Variants in ADGRG7 observed in about 807,000 individuals in gnomAD.
ADGRG7 encodes the protein adhesion G protein-coupled receptor G7.
ADGRG7 carries 82 observed loss-of-function variants against 88.6 expected under a neutral mutation model. The ratio of observed to expected loss-of-function variants is 0.93; its 90% CI spans 0.77 to 1.11. The LOEUF (loss-of-function observed/expected upper bound fraction) is 1.11. Ranked by LOEUF, ADGRG7 falls within the 50% of genes most tolerant of loss-of-function variation. The pLI is 0.00. For missense variants in ADGRG7, 945 were observed against 953.4 expected (o/e 0.99, Z 0.12); for synonymous variants, 381 against 345.2 (o/e 1.10, Z -1.15).
chr3:100,690,968 C>A (rs1002476239), intron 15 of ADGRG7, among the ~76,000 whole-genome samples: 3 of 152,212 alleles, frequency 2.0e-5, no homozygotes, highest in Admixed American at 2.0e-4. Flanking sequence ...AGAGGTGGAG[C>A]CTACAGAGGC....
chr3:100,645,092 T>C (rs993699951), intron 8 of ADGRG7, among the ~76,000 whole-genome samples: 4 of 152,232 alleles, frequency 2.6e-5, no homozygotes, highest in African/African-American at 9.6e-5. Context: ...ATGTTTTCCT[T>C]TTATCACTTG....
At chr3:100,687,782 T>C (rs2149043008) in intron 15 of ADGRG7, among the ~76,000 whole-genome samples, 1 of 152,342 alleles carries the variant, frequency 6.6e-6, no homozygotes, top group Non-Finnish European at 1.5e-5. Flanking sequence ...GGTTTGCCAG[T>C]ATTTTATTGA....
At chr3:100,691,738 G>A (rs2094994228) in intron 15 of ADGRG7, among the ~76,000 whole-genome samples, 1 of 135,550 alleles carries the variant, frequency 7.4e-6, no homozygotes, top group South Asian at 2.6e-4. Context: ...TTTCATTCTA[G>A]CCTTATTAAC....
At chr3:100,656,201 A>G (rs1020967739) in intron 13 of ADGRG7, among the ~76,000 whole-genome samples, 1 of 152,224 alleles carries the variant, frequency 6.6e-6, no homozygotes, top group Non-Finnish European at 1.5e-5. Flanking sequence ...AAAGCAAGTA[A>G]TCACCTTCGA....
In ADGRG7 at chr3:100,695,196, G is replaced by T; in HGVS notation, c.*195G>T. 1 of 580,084 alleles carries T rather than the reference G, an allele frequency of 1.7e-6. No homozygotes were observed. Among genetic ancestry groups the T allele is most frequent in the Non-Finnish European group, 3.0e-6 (1 of 336,052 alleles). The allele number at this position is 580,084 out of a possible 1,614,324, so 35.9% of individuals were successfully genotyped here. A position where few individuals can be genotyped will look rare whatever the true frequency, so the allele number is the denominator to read the frequency against. On this transcript the variant is annotated 3_prime_UTR_variant, in exon 16 of 16. Transcript: ENST00000273352. ...AGTTTTTCTATTTTTCAATAGATTTGTACTTGAATAAGGTGAAGAATTTCA... is the reference window on the plus strand; with the variant it reads ...AGTTTTTCTATTTTTCAATAGATTTTTACTTGAATAAGGTGAAGAATTTCA...
intron 6 of ADGRG7, among the ~76,000 whole-genome samples, chr3:100,639,010 CTGTGTGTGTGTGTGTG>C (rs56088926): frequency 0.025 from 3,613 of 147,096 alleles, 83 homozygotes; most frequent in African/African-American, 0.05. Flanking sequence ...CCCTCTGTTT[CTGTGTGTGTGTGTGTG>C]TGTGTGTGTG....
chr3:100,671,925 T>C (rs1195512099), intron 15 of ADGRG7, among the ~76,000 whole-genome samples: 1 of 152,250 alleles, frequency 6.6e-6, no homozygotes, highest in Non-Finnish European at 1.5e-5. Context: ...ATATCTGTTT[T>C]GGTACCAGTA....
At position 100,643,523 on chromosome 3, in the gene ADGRG7, T is replaced by G; in HGVS notation, c.839-3T>G. 1 of 1,612,054 alleles carries G rather than the reference T, an allele frequency of 6.2e-7. No homozygotes were observed. Among genetic ancestry groups the G allele is most frequent in the Non-Finnish European group, 8.5e-7 (1 of 1,179,056 alleles). ...TACAATTCTACTCTTTCCCTTCTCA[T>G]AGGAGCTAGCAGTTCTCTAGTTTCT... On this transcript the variant is annotated splice_region_variant and splice_polypyrimidine_tract_variant and intron_variant, in intron 7 of 15. Transcript: ENST00000273352.
chr3:100,632,807 C>T (rs1044247410), intron 3 of ADGRG7, among the ~76,000 whole-genome samples: 6 of 152,052 alleles, frequency 3.9e-5, no homozygotes, highest in Non-Finnish European at 7.4e-5. Context: ...AGTGATAATC[C>T]TAGGAAATAA....
chr3:100,694,543 T>C (rs1425690214), intron 15 of ADGRG7, among the ~76,000 whole-genome samples: 1 of 152,234 alleles, frequency 6.6e-6, no homozygotes, highest in African/African-American at 2.4e-5. Flanking sequence ...TATTGTACTG[T>C]TACATGTAGG....
chr3:100,664,890 A>G (rs1189938649), intron 14 of ADGRG7, among the ~76,000 whole-genome samples: 1 of 152,220 alleles, frequency 6.6e-6, no homozygotes, highest in African/African-American at 2.4e-5. Context: ...TATAAAGATG[A>G]TTTCATCTTT....
At position 100,646,011 on chromosome 3, in the gene ADGRG7, C is replaced by T. The variant is rs1342480724; in HGVS notation, c.1013C>T (p.Thr338Ile). ...AAGCTTTTCCAATCAAAAACTTTTA[C>T]AGCTAAATCGGATTTTAGTCAAAAA... ...NDKLFQSKTF[T>I]AKSDFSQKII... Residue 338 changes from threonine to isoleucine, a missense_variant, in exon 9 of 16, where the codon ACA (threonine) becomes ATA (isoleucine). By Grantham distance (89) the Thr-to-Ile change is moderately conservative (BLOSUM62 -1). Coordinates refer to ENST00000273352, the MANE Select transcript of ADGRG7 (RefSeq NM_032787.3). The T allele has an allele frequency of 2.5e-6, 4 of 1,613,954 alleles. No homozygotes were observed. Among genetic ancestry groups the T allele is most frequent in the Non-Finnish European group, 3.4e-6 (4 of 1,179,922 alleles).
intron 1 of ADGRG7, among the ~76,000 whole-genome samples, chr3:100,613,571 T>C (rs1283261036): frequency 6.6e-6 from 1 of 152,110 alleles, no homozygotes; most frequent in Non-Finnish European, 1.5e-5. Context: ...AGGGAAGGGA[T>C]TTTTAAAATA....
At chr3:100,620,471 T>C (rs1054476777) in intron 1 of ADGRG7, among the ~76,000 whole-genome samples, 10 of 152,122 alleles carry the variant, frequency 6.6e-5, no homozygotes, top group African/African-American at 2.4e-4. Context: ...GGGCAAAAAC[T>C]GGAAGCATTC....
Position 100,694,899 on chromosome 3 carries a change from G to A in ADGRG7, c.2292G>A (p.Arg764=). The change falls in exon 16 of 16, where the codon AGG becomes AGA. Residue 764 remains arginine, a synonymous_variant. Coordinates refer to ENST00000273352, the MANE Select transcript of ADGRG7 (RefSeq NM_032787.3). ...RLRVKMYNFL[R]SLPTLHERFR... ...GTGTAAAGATGTATAATTTCCTCAG[G>A]TCATTGCCAACCTTACATGAACGCT... 6.2e-7 allele frequency: 1 copy of A among 1,614,136 alleles called. No homozygotes were observed. The highest frequency in any genetic ancestry group is 8.5e-7 in the Non-Finnish European group (1 of 1,180,024).
intron 1 of ADGRG7, among the ~76,000 whole-genome samples, chr3:100,617,554 A>AT (rs1358283265): frequency 6.6e-6 from 1 of 152,062 alleles, no homozygotes; most frequent in African/African-American, 2.4e-5. Flanking sequence ...TGAACTCATC[A>AT]TTTTTTATGG....
rs190716745 is a variant in ADGRG7 at position 100,646,995 on chromosome 3, T to C, written c.1266+271T>C. On this transcript the variant is annotated intron_variant, in intron 10 of 15. Transcript: ENST00000273352. Reference sequence around the variant, plus strand: ...CAACATGGTGAAACCCCGTCTCTACTAAAAATACAGAAATTACCAGGTGTA... The same window carrying C: ...CAACATGGTGAAACCCCGTCTCTACCAAAAATACAGAAATTACCAGGTGTA... 3.6e-4 allele frequency among the ~76,000 whole-genome samples: 55 copies of C among 152,144 alleles called. 1 individual carries two copies. The highest frequency in any genetic ancestry group is 1.3e-3 in the African/African-American group (55 of 41,474).
chr3:100,635,857 T>G, intron 5 of ADGRG7, 31 bp downstream of exon 5: 1 of 1,548,626 alleles, frequency 6.5e-7, no homozygotes, highest in Middle Eastern at 1.7e-4. Context: ...AAAAAAATTT[T>G]TTTTTTATTT....
At position 100,643,647 on chromosome 3, in the gene ADGRG7, T is replaced by C. The variant is rs547050794; in HGVS notation, c.946+14T>C. 5.9e-5 allele frequency: 92 copies of C among 1,553,458 alleles called. No individual in the cohort carries two copies. The African/African-American group carries it at 1.2e-3, about 20-fold the overall frequency. On this transcript the variant is annotated intron_variant, in intron 8 of 15. Transcript: ENST00000273352. Reference sequence around the variant, plus strand: ...ATATGACGAAAAGTAAGTCTCAAACTTTGTGACATTTAAAAAAATGGACTC... The same window carrying C: ...ATATGACGAAAAGTAAGTCTCAAACCTTGTGACATTTAAAAAAATGGACTC...
Sources: allele counts gnomAD v4.1 joint callset (sites outside exome capture counted in the v4.1 genomes callset), GRCh38; gene constraint gnomAD v4.1.1; transcripts MANE v1.5; gene names NCBI Gene and HGNC (gene_info 2026-07-23, HGNC 2026-07-21).